RARB: variants seen among roughly 807,000 people sequenced by gnomAD.
The protein encoded by RARB is HBV-activated protein.
Under a neutral mutation model 51.9 loss-of-function variants are expected in RARB, and 17 were observed. The observed-to-expected ratio is 0.33, with a 90% CI of 0.22 to 0.49. The LOEUF is 0.49. RARB is among the 20% of genes least tolerant of loss of function. The pLI, the probability that RARB is intolerant of heterozygous loss-of-function variation, is 0.99. For missense variants in RARB, 369 were observed against 550.8 expected, an observed-to-expected ratio of 0.67 and a Z score of 3.30; for synonymous variants, 215 against 195.4, an observed-to-expected ratio of 1.10 and a Z score of -0.84.
intron 5 of RARB, among the ~76,000 whole-genome samples, chr3:25,262,355 G>T (rs1260488496): frequency 6.6e-6 from 1 of 152,150 alleles, no homozygotes. Context: ...GCTCTATCCT[G>T]TGTCGATTTT....
At chr3:25,216,705 T>A (rs1701841581) in intron 5 of RARB, among the ~76,000 whole-genome samples, 1 of 151,914 alleles carries the variant, frequency 6.6e-6, no homozygotes, top group African/African-American at 2.4e-5. Flanking sequence ...TCCTGTTTTT[T>A]TTTTAGAAGA....
At chr3:25,335,516 G>A (rs1705037631) in intron 5 of RARB, among the ~76,000 whole-genome samples, 1 of 152,174 alleles carries the variant, frequency 6.6e-6, no homozygotes, top group Admixed American at 6.5e-5. Flanking sequence ...TATCAGGCCA[G>A]GTTTGGCACC....
chr3:24,867,531 C>T (rs943193817), intron 2 of RARB, among the ~76,000 whole-genome samples: 1 of 152,116 alleles, frequency 6.6e-6, no homozygotes, highest in Non-Finnish European at 1.5e-5. Context: ...ATATAGTTGT[C>T]TCAGAAACCC....
intron 5 of RARB, among the ~76,000 whole-genome samples, chr3:25,361,050 C>T (rs1252190557): frequency 6.6e-6 from 1 of 152,170 alleles, no homozygotes; most frequent in Non-Finnish European, 1.5e-5. Context: ...GGAAGTTCTC[C>T]TGGATAATAT....
At chr3:25,388,640 G>A (rs1706862138) in intron 5 of RARB, among the ~76,000 whole-genome samples, 1 of 152,186 alleles carries the variant, frequency 6.6e-6, no homozygotes, top group South Asian at 2.1e-4. Context: ...TTAAAATTAA[G>A]TAGTATTTGA....
chr3:25,171,648 A>AAAAAAAAAAAAAC (rs1700649088), intron 4 of RARB, among the ~76,000 whole-genome samples: 1 of 146,410 alleles, frequency 6.8e-6, no homozygotes, highest in African/African-American at 2.5e-5. Flanking sequence ...GTTGGTAAAA[A>AAAAAAAAAAAAAC]AAAAAAAAAA....
intron 5 of RARB, among the ~76,000 whole-genome samples, chr3:25,232,860 G>C (rs538676497): frequency 7.2e-5 from 11 of 151,954 alleles, no homozygotes; most frequent in Non-Finnish European, 1.5e-4. Context: ...TTTTATGTTA[G>C]ATGATTGTGT....
chr3:24,906,570 T>C (rs1227441298), intron 2 of RARB, among the ~76,000 whole-genome samples: 2 of 151,772 alleles, frequency 1.3e-5, no homozygotes, highest in Admixed American at 6.6e-5. Context: ...TGGCTGGGAG[T>C]GGTGACTCAT....
At chr3:25,166,929 A>G (rs578001427) in intron 4 of RARB, among the ~76,000 whole-genome samples, 128 of 152,274 alleles carry the variant, frequency 8.4e-4, no homozygotes, top group Non-Finnish European at 1.4e-3. Flanking sequence ...TCTATATTTT[A>G]TTTATTATTT....
At chr3:24,920,079 T>TA (rs1339089284) in intron 2 of RARB, among the ~76,000 whole-genome samples, 2 of 152,198 alleles carry the variant, frequency 1.3e-5, no homozygotes, top group East Asian at 3.8e-4. Context: ...TATTTAAAAA[T>TA]AAAAAGCAAT....
intron 2 of RARB, among the ~76,000 whole-genome samples, chr3:24,938,694 A>C (rs779463477): frequency 9.2e-5 from 14 of 152,166 alleles, no homozygotes; most frequent in Non-Finnish European, 1.9e-4. Flanking sequence ...CCCAAACAGA[A>C]GCTGTGTACC....
At position 25,168,195 on chromosome 3, in the gene RARB, A is replaced by T. The variant is rs148198787; in HGVS notation, c.-279-5924A>T. Among the ~76,000 whole-genome samples the T allele has an allele frequency of 9.7e-4, 148 of 152,276 alleles. 1 individual carries two copies. Among genetic ancestry groups the T allele is most frequent in the Middle Eastern group, 3.4e-3 (1 of 294 alleles). ...ATATAGTAAGCAGAATAAAACACTG[A>T]AAAGGACATTTCTCTTTTTTTTGTC... On this transcript the variant is annotated intron_variant, in intron 4 of 11. Transcript: ENST00000383772.
At chr3:24,960,676 T>G (rs1696119915) in intron 2 of RARB, among the ~76,000 whole-genome samples, 1 of 152,144 alleles carries the variant, frequency 6.6e-6, no homozygotes, top group African/African-American at 2.4e-5. Flanking sequence ...ATGGAATGAT[T>G]TAACACCTGG....
intron 2 of RARB, among the ~76,000 whole-genome samples, chr3:25,012,314 T>A (rs1697416220): frequency 6.6e-6 from 1 of 152,118 alleles, no homozygotes; most frequent in Admixed American, 6.6e-5. Flanking sequence ...AAGAAAGTGG[T>A]TCACAAATCT....
chr3:25,270,275 A>G (rs77475800), intron 5 of RARB, among the ~76,000 whole-genome samples: 2,144 of 152,304 alleles, frequency 0.014, 45 homozygotes, highest in African/African-American at 0.049. Flanking sequence ...TGCGGTCTGT[A>G]TGTACAACAG....
chr3:25,570,734 C>G (rs1387930763), intron 4 of RARB, among the ~76,000 whole-genome samples: 1 of 152,146 alleles, frequency 6.6e-6, no homozygotes, highest in African/African-American at 2.4e-5. Flanking sequence ...GTAATAGACA[C>G]TCAGTAGATA....
chr3:25,274,868 C>A (rs997925187), intron 5 of RARB, among the ~76,000 whole-genome samples: 1 of 152,046 alleles, frequency 6.6e-6, no homozygotes, highest in Non-Finnish European at 1.5e-5. Flanking sequence ...ACCCATGTTC[C>A]TTTGGCCAAA....
At chr3:25,344,234 CAAG>C (rs1705319823) in intron 5 of RARB, among the ~76,000 whole-genome samples, 1 of 152,126 alleles carries the variant, frequency 6.6e-6, no homozygotes, top group African/African-American at 2.4e-5. Context: ...TGAGTTATTT[CAAG>C]AAGATAGTCA....
chr3:25,064,929 A>G (rs531960437), intron 3 of RARB, among the ~76,000 whole-genome samples: 1 of 152,242 alleles, frequency 6.6e-6, no homozygotes, highest in East Asian at 1.9e-4. Flanking sequence ...TGTGATGCAA[A>G]TGCCCTACAC....
Sources: gnomAD v4.1 joint callset for allele counts (sites outside exome capture counted in the v4.1 genomes callset) on GRCh38, gnomAD v4.1.1 for gene constraint, MANE v1.5 for transcripts, NCBI Gene and HGNC (gene_info 2026-07-23, HGNC 2026-07-21) for gene names.